The following COL8A1 variants were observed in gnomAD, a reference collection of about 807,000 sequenced individuals.
COL8A1 encodes collagen type VIII alpha 1 chain.
Under a neutral mutation model 42.7 loss-of-function variants are expected in COL8A1, and 21 were observed. The ratio of observed to expected loss-of-function variants is 0.49; its 90% CI spans 0.35 to 0.71. The LOEUF is 0.71. Among genes scored for constraint, COL8A1 ranks in the 30% least tolerant of loss-of-function variants. The pLI, the probability that COL8A1 is intolerant of heterozygous loss-of-function variation, is 0.01. For missense variants in COL8A1, 788 were observed against 962.4 expected, an observed-to-expected ratio of 0.82 and a Z score of 2.40; for synonymous variants, 367 against 369.1, an observed-to-expected ratio of 0.99 and a Z score of 0.06.
At chr3:99,772,055 A>G (rs1278462842) in intron 2 of COL8A1, among the ~76,000 whole-genome samples, 1 of 152,176 alleles carries the variant, frequency 6.6e-6, no homozygotes, top group African/African-American at 2.4e-5. Context: ...ATTTTTTCTT[A>G]AGTCAGAATT....
In COL8A1 at chr3:99,790,857, C is replaced by A. The variant is rs1327386340; in HGVS notation, c.175C>A (p.Pro59Thr). 6.2e-7 allele frequency: 1 copy of A among 1,614,266 alleles called. No individual in the cohort carries two copies. The highest frequency in any genetic ancestry group is 8.5e-7 in the Non-Finnish European group (1 of 1,180,046). Reference protein sequence around the residue: ...PQYQPLGQQVPHMPLAKDGLA... With the variant: ...PQYQPLGQQVTHMPLAKDGLA... ...ATACCAGCCCCTGGGTCAGCAAGTA[C>A]CTCACATGCCTTTGGCCAAAGATGG... is the stretch of plus-strand genomic sequence containing the variant. Residue 59 changes from proline (P) to threonine (T), a missense_variant, in exon 3 of 4, where the codon CCT (proline) becomes ACT (threonine). Around this residue, in one of 4 missense-constraint regions of COL8A1, gnomAD observed 421 missense variants for 553.1 expected, o/e 0.76. Coordinates refer to ENST00000652472, the MANE Select transcript of COL8A1 (RefSeq NM_020351.4).
intron 2 of COL8A1, among the ~76,000 whole-genome samples, chr3:99,766,075 C>A (rs767614004): frequency 1.3e-5 from 2 of 152,098 alleles, no homozygotes; most frequent in African/African-American, 4.8e-5. Flanking sequence ...ATATTAATAT[C>A]CTATTGGATC....
intron 1 of COL8A1, among the ~76,000 whole-genome samples, chr3:99,674,503 G>A (rs1938635449): frequency 6.6e-6 from 1 of 151,100 alleles, no homozygotes; most frequent in African/African-American, 2.4e-5. Context: ...CCCTGCCACT[G>A]GCTCACACAT....
intron 1 of COL8A1, among the ~76,000 whole-genome samples, chr3:99,744,095 A>AT (rs1230306077): frequency 6.6e-6 from 1 of 151,952 alleles, no homozygotes; most frequent in South Asian, 2.1e-4. Context: ...CACCTGGCTA[A>AT]TTTTTTGTAT....
chr3:99,716,390 T>G (rs1291698337), intron 1 of COL8A1, among the ~76,000 whole-genome samples: 2 of 152,064 alleles, frequency 1.3e-5, no homozygotes, highest in Admixed American at 1.3e-4. Context: ...AAAATACTTG[T>G]AAGACAAGCA....
chr3:99,714,322 G>T (rs971599572), intron 1 of COL8A1, among the ~76,000 whole-genome samples: 1 of 151,976 alleles, frequency 6.6e-6, no homozygotes, highest in Admixed American at 6.6e-5. Flanking sequence ...TTCCCCAAGG[G>T]TGCCCTCCAC....
At chr3:99,675,045 A>G (rs1177140263) in intron 1 of COL8A1, among the ~76,000 whole-genome samples, 1 of 152,080 alleles carries the variant, frequency 6.6e-6, no homozygotes, top group Non-Finnish European at 1.5e-5. Context: ...TAACTAAGGC[A>G]GTCTAGGAAT....
At chr3:99,732,725 A>T (rs1261624383) in intron 1 of COL8A1, among the ~76,000 whole-genome samples, 1 of 151,982 alleles carries the variant, frequency 6.6e-6, no homozygotes, top group African/African-American at 2.4e-5. Flanking sequence ...AAACACAATC[A>T]TGCCTTCCCA....
chr3:99,710,281 A>G (rs181688154), intron 1 of COL8A1, among the ~76,000 whole-genome samples: 1 of 152,204 alleles, frequency 6.6e-6, no homozygotes, highest in East Asian at 1.9e-4. Context: ...TCTTTGCCCC[A>G]CCCACAAAGG....
chr3:99,671,771 A>C (rs1009497457), intron 1 of COL8A1, among the ~76,000 whole-genome samples: 1 of 152,028 alleles, frequency 6.6e-6, no homozygotes, highest in Non-Finnish European at 1.5e-5. Context: ...GGTTCTTCAC[A>C]TAATTAAAAA....
intron 1 of COL8A1, among the ~76,000 whole-genome samples, chr3:99,726,273 G>C (rs1940322724): frequency 6.6e-6 from 1 of 151,774 alleles, no homozygotes; most frequent in Middle Eastern, 3.4e-3. Flanking sequence ...TTCTTTTCTT[G>C]TAAATTTGTT....
intron 2 of COL8A1, among the ~76,000 whole-genome samples, chr3:99,751,749 C>T (rs976181850): frequency 2.6e-5 from 4 of 152,280 alleles, no homozygotes; most frequent in Admixed American, 1.3e-4. Flanking sequence ...CTAACAGTGA[C>T]TGTGGAAAGC....
At chr3:99,655,114 A>G (rs554678116) in intron 1 of COL8A1, among the ~76,000 whole-genome samples, 44 of 152,282 alleles carry the variant, frequency 2.9e-4, no homozygotes, top group African/African-American at 9.1e-4. Context: ...GGAATGTGAA[A>G]ACCCCTTTCT....
intron 1 of COL8A1, among the ~76,000 whole-genome samples, chr3:99,695,797 C>A (rs904086212): frequency 6.6e-6 from 1 of 152,126 alleles, no homozygotes; most frequent in Non-Finnish European, 1.5e-5. Context: ...AGAATACTTG[C>A]CCCCAAGCCT....
intron 1 of COL8A1, among the ~76,000 whole-genome samples, chr3:99,662,828 A>G (rs1938250523): frequency 6.6e-6 from 1 of 152,116 alleles, no homozygotes; most frequent in Non-Finnish European, 1.5e-5. Flanking sequence ...TCATCTTCAC[A>G]TGGAGTTCTC....
intron 1 of COL8A1, among the ~76,000 whole-genome samples, chr3:99,733,362 T>C (rs1362074266): frequency 1.4e-5 from 2 of 137,960 alleles, no homozygotes; most frequent in Admixed American, 7.0e-5. Context: ...TGTGATCTCA[T>C]TGTTCAATTC....
At chr3:99,681,317 A>C (rs975003179) in intron 1 of COL8A1, among the ~76,000 whole-genome samples, 3 of 152,212 alleles carry the variant, frequency 2.0e-5, no homozygotes, top group Non-Finnish European at 2.9e-5. Context: ...CAACCCCATC[A>C]AAAAGTGGGC....
chr3:99,747,298 G>A (rs1941046655), intron 2 of COL8A1, among the ~76,000 whole-genome samples: 1 of 152,066 alleles, frequency 6.6e-6, no homozygotes, highest in Non-Finnish European at 1.5e-5. Flanking sequence ...ATAAAAACAA[G>A]CTTTTTGCTC....
intron 1 of COL8A1, among the ~76,000 whole-genome samples, chr3:99,691,104 G>T (rs1306392177): frequency 1.3e-5 from 2 of 152,084 alleles, no homozygotes; most frequent in African/African-American, 4.8e-5. Flanking sequence ...GAGCATGCAC[G>T]AATTTCTAGA....
Sources: allele counts gnomAD v4.1 joint callset (sites outside exome capture counted in the v4.1 genomes callset), GRCh38; gene constraint gnomAD v4.1.1; regional missense constraint gnomAD v4.1.1; transcripts MANE v1.5; gene names NCBI Gene and HGNC (gene_info 2026-07-23, HGNC 2026-07-21).